Variants in ELAVL2 observed in about 807,000 individuals in gnomAD.
ELAVL2 encodes the protein ELAV-like protein 2.
ELAVL2 carries 4 observed loss-of-function variants against 34.6 expected under a neutral mutation model. The observed-to-expected ratio is 0.12, with a 90% CI of 0.06 to 0.26. The LOEUF (loss-of-function observed/expected upper bound fraction) is 0.26, where lower values mean the gene tolerates loss of function less well. Among genes scored for constraint, ELAVL2 ranks in the 10% least tolerant of loss-of-function variants. The pLI, the probability that ELAVL2 is intolerant of heterozygous loss-of-function variation, is 1.00. For synonymous variants in ELAVL2, 193 were observed against 154.8 expected, an observed-to-expected ratio of 1.25 and a Z score of -1.83; for missense variants, 432 against 442.8, an observed-to-expected ratio of 0.98 and a Z score of 0.22.
intron 1 of ELAVL2, among the ~76,000 whole-genome samples, chr9:23,785,603 C>T (rs1378001184): frequency 6.6e-6 from 1 of 152,196 alleles, no homozygotes; most frequent in African/African-American, 2.4e-5. Context: ...GCCACTATAG[C>T]TCAATCCTCA....
intron 2 of ELAVL2, among the ~76,000 whole-genome samples, chr9:23,751,918 T>C (rs960074294): frequency 6.6e-6 from 1 of 152,206 alleles, no homozygotes; most frequent in Non-Finnish European, 1.5e-5. Context: ...TCCCAAGTCC[T>C]GCCTCGCACT....
chr9:23,720,236 A>T (rs1587676175), intron 3 of ELAVL2, among the ~76,000 whole-genome samples: 1 of 150,798 alleles, frequency 6.6e-6, no homozygotes, highest in Non-Finnish European at 1.5e-5. Flanking sequence ...GCAGTGGTGT[A>T]ATCTCGGCTC....
chr9:23,827,270 C>T (rs1259482759), upstream of ELAVL2, among the ~76,000 whole-genome samples: 1 of 152,174 alleles, frequency 6.6e-6, no homozygotes, highest in Non-Finnish European at 1.5e-5. Context: ...AACCAGAAGA[C>T]CAAGTGCTAT....
intron 3 of ELAVL2, among the ~76,000 whole-genome samples, chr9:23,714,274 C>G (rs967166522): frequency 6.6e-6 from 1 of 152,132 alleles, no homozygotes; most frequent in African/African-American, 2.4e-5. Flanking sequence ...GGAAAGATGA[C>G]ACAGAGGAGG....
At chr9:23,726,224 C>CA (rs1235415198) in intron 3 of ELAVL2, among the ~76,000 whole-genome samples, 1 of 151,886 alleles carries the variant, frequency 6.6e-6, no homozygotes, top group African/African-American at 2.4e-5. Flanking sequence ...AAACTGAACA[C>CA]AAAAAATAGA....
intron 1 of ELAVL2, among the ~76,000 whole-genome samples, chr9:23,790,163 G>C (rs998070773): frequency 2.0e-5 from 3 of 151,938 alleles, no homozygotes; most frequent in African/African-American, 2.4e-5. Flanking sequence ...TCCGAGTGCT[G>C]TTTTGTACTG....
chr9:23,700,367 GTCACTGTTCTTC>G (rs1301559333), intron 5 of ELAVL2, among the ~76,000 whole-genome samples: 4 of 152,170 alleles, frequency 2.6e-5, no homozygotes, highest in Non-Finnish European at 5.9e-5. Flanking sequence ...ACTTCTTAAA[GTCACTGTTCTTC>G]TCACATGCAG....
chr9:23,735,249 G>A (rs1039227013), intron 2 of ELAVL2: 1 of 151,940 alleles, frequency 6.6e-6, no homozygotes, highest in African/African-American at 2.4e-5. Context: ...GTGGTCAAGT[G>A]TTCTAAGAAT....
intron 3 of ELAVL2, among the ~76,000 whole-genome samples, chr9:23,720,089 A>G (rs2043280362): frequency 6.6e-6 from 1 of 151,932 alleles, no homozygotes; most frequent in East Asian, 1.9e-4. Context: ...AGCCTCCCAA[A>G]GTGCTGGGAT....
chr9:23,760,369 T>G (rs563972565), intron 2 of ELAVL2, among the ~76,000 whole-genome samples: 1 of 152,028 alleles, frequency 6.6e-6, no homozygotes, highest in Non-Finnish European at 1.5e-5. Flanking sequence ...GGAGCTCTAC[T>G]AAGCAATCAG....
intron 3 of ELAVL2, among the ~76,000 whole-genome samples, chr9:23,715,749 G>A (rs1429141646): frequency 6.6e-6 from 1 of 152,116 alleles, no homozygotes; most frequent in African/African-American, 2.4e-5. Context: ...TGAATGTCTA[G>A]TATGCCTAAG....
chr9:23,702,474 C>T (rs888367471), intron 4 of ELAVL2, among the ~76,000 whole-genome samples: 9 of 151,818 alleles, frequency 5.9e-5, no homozygotes, highest in South Asian at 2.1e-4. Flanking sequence ...ATTTAATTAG[C>T]GTGAACAGGC....
At chr9:23,717,446 T>C (rs1033234478) in intron 3 of ELAVL2, among the ~76,000 whole-genome samples, 3 of 152,208 alleles carry the variant, frequency 2.0e-5, no homozygotes, top group African/African-American at 7.2e-5. Context: ...TTTAATCAAA[T>C]TTTCCTGCCA....
At chr9:23,742,627 A>G (rs1587989064) in intron 2 of ELAVL2, among the ~76,000 whole-genome samples, 2 of 152,290 alleles carry the variant, frequency 1.3e-5, no homozygotes, top group Non-Finnish European at 1.5e-5. Flanking sequence ...CACCGGGGGG[A>G]AAATGTCCAC....
chr9:23,796,968 AG>A (rs1424413294), intron 1 of ELAVL2, among the ~76,000 whole-genome samples: 1 of 150,884 alleles, frequency 6.6e-6, no homozygotes, highest in Non-Finnish European at 1.5e-5. Flanking sequence ...GAATGAGGAC[AG>A]GGACAATGGA....
intron 3 of ELAVL2, 119 bp downstream of exon 3, chr9:23,730,901 CTA>C (rs2046365385): frequency 4.6e-6 from 4 of 868,012 alleles, no homozygotes; most frequent in Non-Finnish European, 6.8e-6. Flanking sequence ...CAAAATTCCA[CTA>C]TGTCTCCCAG....
At chr9:23,696,238 T>C (rs1398329820) in intron 5 of ELAVL2, among the ~76,000 whole-genome samples, 3 of 152,070 alleles carry the variant, frequency 2.0e-5, no homozygotes, top group African/African-American at 7.2e-5. Context: ...AGCCCAGAAG[T>C]ATTTCCTAGC....
chr9:23,812,459 G>A (rs949177051), intron 1 of ELAVL2, among the ~76,000 whole-genome samples: 4 of 151,990 alleles, frequency 2.6e-5, no homozygotes, highest in African/African-American at 9.7e-5. Flanking sequence ...AATCTTTAGG[G>A]GGATAAAACA....
At chr9:23,730,527 A>T (rs568496692) in intron 3 of ELAVL2, among the ~76,000 whole-genome samples, 18 of 152,252 alleles carry the variant, frequency 1.2e-4, no homozygotes, top group African/African-American at 4.3e-4. Flanking sequence ...ATACATAAAC[A>T]TCTTATCAAT....
Sources: gnomAD v4.1 joint callset for allele counts (sites outside exome capture counted in the v4.1 genomes callset) on GRCh38, gnomAD v4.1.1 for gene constraint, MANE v1.5 for transcripts, NCBI Gene and HGNC (gene_info 2026-07-23, HGNC 2026-07-21) for gene names.